The following MAML2 variants were observed in gnomAD, a reference collection of about 807,000 sequenced individuals.
MAML2 encodes the protein mastermind-like protein 2.
In MAML2, 22 loss-of-function variants were observed where a neutral mutation model predicts 96.1. The observed-to-expected ratio is 0.23, with a 90% confidence interval of 0.16 to 0.33. The LOEUF is 0.33. Among genes scored for constraint, MAML2 ranks in the 10% least tolerant of loss-of-function variants. The pLI, the probability that MAML2 is intolerant of heterozygous loss-of-function variation, is 1.00. For synonymous variants in MAML2, 561 were observed against 521.3 expected (o/e 1.08, Z -1.04); for missense variants, 1,367 against 1,392.4 (o/e 0.98, Z 0.29).
At chr11:96,128,338 G>A (rs548373781) in intron 1 of MAML2, among the ~76,000 whole-genome samples, 1 of 152,218 alleles carries the variant, frequency 6.6e-6, no homozygotes, top group East Asian at 1.9e-4. Context: ...AGGTTGCAGT[G>A]AGCCAAGATC....
chr11:96,314,869 C>G (rs942467949), intron 1 of MAML2, among the ~76,000 whole-genome samples: 9 of 152,194 alleles, frequency 5.9e-5, no homozygotes, highest in African/African-American at 2.2e-4. Flanking sequence ...AATCCAGACT[C>G]TAGGCCAGAG....
intron 2 of MAML2, among the ~76,000 whole-genome samples, chr11:96,079,553 G>C (rs1789995072): frequency 6.6e-6 from 1 of 152,172 alleles, no homozygotes; most frequent in South Asian, 2.1e-4. Context: ...TCTGCAAAGA[G>C]GAGAAAATTA....
At chr11:96,111,088 A>G (rs899052697) in intron 1 of MAML2, among the ~76,000 whole-genome samples, 1 of 152,210 alleles carries the variant, frequency 6.6e-6, no homozygotes, top group African/African-American at 2.4e-5. Flanking sequence ...TGGGAAGGAC[A>G]GAGCAATCCA....
chr11:96,057,541 CT>C (rs1859089022), intron 2 of MAML2, among the ~76,000 whole-genome samples: 1 of 152,192 alleles, frequency 6.6e-6, no homozygotes, highest in Non-Finnish European at 1.5e-5. Context: ...CCTAATAGAG[CT>C]GAGTTTGCTC....
intron 1 of MAML2, among the ~76,000 whole-genome samples, chr11:96,176,956 G>A (rs1591056264): frequency 6.6e-6 from 1 of 152,124 alleles, no homozygotes; most frequent in East Asian, 1.9e-4. Context: ...TAAAAATACG[G>A]AGATAAAAAG....
At chr11:96,001,293 T>A (rs1205343960) in intron 2 of MAML2, among the ~76,000 whole-genome samples, 1 of 152,032 alleles carries the variant, frequency 6.6e-6, no homozygotes, top group Non-Finnish European at 1.5e-5. Context: ...GAACAAAACG[T>A]CAGTGGGTCA....
chr11:96,010,106 A>G (rs2135726897), intron 2 of MAML2, among the ~76,000 whole-genome samples: 1 of 152,198 alleles, frequency 6.6e-6, no homozygotes, highest in Admixed American at 6.5e-5. Flanking sequence ...ATCATTATAA[A>G]CCTTCTGCTT....
At chr11:96,301,071 A>G (rs1203394796) in intron 1 of MAML2, among the ~76,000 whole-genome samples, 2 of 152,192 alleles carry the variant, frequency 1.3e-5, no homozygotes, top group African/African-American at 2.4e-5. Flanking sequence ...AACTAGCCTT[A>G]TGGTTTGGAT....
In MAML2 at chr11:95,979,749, C is replaced by G; in HGVS notation, c.2670G>C (p.Leu890Phe). 5.0e-6 allele frequency: 8 copies of G among 1,613,858 alleles called. No individual in the cohort carries two copies. The highest frequency in any genetic ancestry group is 6.8e-6 in the Non-Finnish European group (8 of 1,179,848). Residue 890 changes from leucine (L) to phenylalanine (F), a missense_variant, in exon 5 of 5, where the codon TTG becomes TTC. Transcript: ENST00000524717. Reference sequence around the variant, plus strand: ...ATTGCTTTGGGTTTCTCTGTTGGGTCAATTGATTCATTCCTGAAGTGACAC... The same window carrying G: ...ATTGCTTTGGGTTTCTCTGTTGGGTGAATTGATTCATTCCTGAAGTGACAC... ...TYSVTSGMNQLTQQRNPKQLL... is the reference protein window; with the variant it reads ...TYSVTSGMNQFTQQRNPKQLL...
At chr11:96,149,739 A>G (rs773716917) in intron 1 of MAML2, among the ~76,000 whole-genome samples, 64 of 152,120 alleles carry the variant, frequency 4.2e-4, no homozygotes, top group Non-Finnish European at 3.1e-4. Flanking sequence ...GTCTCAAAAA[A>G]AGAAAAGTAA....
At chr11:96,269,210 G>A (rs1862875797) in intron 1 of MAML2, among the ~76,000 whole-genome samples, 3 of 144,632 alleles carry the variant, frequency 2.1e-5, no homozygotes, top group South Asian at 4.4e-4. Flanking sequence ...TGGGCATACT[G>A]CATCAGGTAA....
intron 1 of MAML2, among the ~76,000 whole-genome samples, chr11:96,118,624 A>G (rs759253358): frequency 5.9e-5 from 9 of 152,216 alleles, no homozygotes; most frequent in Non-Finnish European, 1.0e-4. Context: ...TTGTTGAACT[A>G]AGAAAGACAT....
intron 2 of MAML2, among the ~76,000 whole-genome samples, chr11:96,036,898 T>C (rs1858722075): frequency 6.6e-6 from 1 of 152,194 alleles, no homozygotes; most frequent in Non-Finnish European, 1.5e-5. Context: ...TTTCTCCCTA[T>C]AGTCTCCACT....
intron 1 of MAML2, among the ~76,000 whole-genome samples, chr11:96,302,551 C>T (rs565537838): frequency 1.4e-3 from 219 of 152,284 alleles, no homozygotes; most frequent in African/African-American, 5.0e-3. Context: ...GAGAATGGCA[C>T]TTGGATATAA....
In MAML2 at chr11:96,007,892, G is replaced by T. The variant is rs1316591933; in HGVS notation, c.2140-16169C>A. 8.6e-3 allele frequency among the ~76,000 whole-genome samples: 1,060 copies of T among 123,352 alleles called. 13 individuals are homozygous for T. Among genetic ancestry groups the T allele is most frequent in the Middle Eastern group, 0.053 (13 of 244 alleles). 80.9% of individuals were successfully genotyped at this position (123,352 alleles called of 152,430 possible). ...GGACTGTGGTGGGGTGGGGGGAGGG[G>T]GGAGGGGTAGCACTGGGAGATATAC... On this transcript the variant is annotated intron_variant, in intron 2 of 4. Coordinates refer to ENST00000524717, the MANE Select transcript of MAML2 (RefSeq NM_032427.4).
At chr11:96,256,573 C>T (rs2135970334) in intron 1 of MAML2, among the ~76,000 whole-genome samples, 1 of 152,326 alleles carries the variant, frequency 6.6e-6, no homozygotes, top group East Asian at 1.9e-4. Flanking sequence ...TGTATTTGTT[C>T]TCTGAGCCTT....
chr11:96,100,748 C>T (rs28652715), intron 1 of MAML2, among the ~76,000 whole-genome samples: 3,344 of 108,526 alleles, frequency 0.031, 115 homozygotes, highest in African/African-American at 0.094. Flanking sequence ...TTTTTTTTTT[C>T]TTTTTTTTTT....
In MAML2 at chr11:95,977,455, G is replaced by A. The variant is rs776889114; in HGVS notation, c.*1493C>T. 1 of 191,668 alleles carries A rather than the reference G, an allele frequency of 5.2e-6. No homozygotes were observed. The highest frequency in any genetic ancestry group is 1.1e-5 in the Non-Finnish European group (1 of 91,576). 11.9% of individuals were successfully genotyped at this position (191,668 alleles called of 1,614,324 possible). On this transcript the variant is annotated 3_prime_UTR_variant, in exon 5 of 5. Transcript: ENST00000524717. ...AAAGTGTGTTCTTTTTCTTTGAACA[G>A]ATATTGAAAGACTTGATTATTAAAT...
chr11:96,140,561 T>C (rs898688689), intron 1 of MAML2, among the ~76,000 whole-genome samples: 2 of 152,218 alleles, frequency 1.3e-5, no homozygotes, highest in African/African-American at 4.8e-5. Flanking sequence ...TTGCTGACTT[T>C]ATACCAGAGC....
Sources: gnomAD v4.1 joint callset for allele counts (sites outside exome capture counted in the v4.1 genomes callset) on GRCh38, gnomAD v4.1.1 for gene constraint, MANE v1.5 for transcripts, NCBI Gene and HGNC (gene_info 2026-07-23, HGNC 2026-07-21) for gene names.